Variants in SLC25A36 observed in about 807,000 individuals in gnomAD.
The protein encoded by SLC25A36 is solute carrier family 25 member 36.
A neutral mutation model predicts 35.3 loss-of-function variants in SLC25A36; 24 were observed. The ratio of observed to expected loss-of-function variants is 0.68; its 90% CI spans 0.49 to 0.96. The LOEUF is 0.96. Ranked by LOEUF, SLC25A36 falls within the 40% of genes least tolerant of loss-of-function variation. The probability of loss-of-function intolerance (pLI) is 0.00; values close to 1 mark genes in which losing one functional copy is unlikely to be tolerated. For missense variants in SLC25A36, 294 were observed against 381.1 expected, an observed-to-expected ratio of 0.77 and a Z score of 1.90; for synonymous variants, 141 against 132.2, an observed-to-expected ratio of 1.07 and a Z score of -0.46.
At chr3:140,961,507 G>A (rs1363677216) in intron 3 of SLC25A36, among the ~76,000 whole-genome samples, 1 of 151,654 alleles carries the variant, frequency 6.6e-6, no homozygotes, top group African/African-American at 2.4e-5. Context: ...TATTTTTTTA[G>A]GATGGTCACC....
chr3:140,959,641 G>A (rs1020830651), intron 3 of SLC25A36, 101 bp downstream of exon 3: 37 of 511,706 alleles, frequency 7.2e-5, no homozygotes, highest in Admixed American at 8.7e-5. Context: ...ATTTATAAAT[G>A]TAGTATTCAA....
At chr3:140,954,303 T>G (rs1934419004) in intron 1 of SLC25A36, among the ~76,000 whole-genome samples, 2 of 152,264 alleles carry the variant, frequency 1.3e-5, no homozygotes, top group African/African-American at 4.8e-5. Flanking sequence ...GATGGACATT[T>G]GGGTTGTTCC....
At position 140,980,315 on chromosome 3, in the gene SLC25A36, C is replaced by A. The variant is rs1935152903; in HGVS notation, c.*3862C>A. ...ATCCACATAATGTTAGATCAAAATA[C>A]AAATGACAAAGATAAAATGCTATGT... On this transcript the variant is annotated 3_prime_UTR_variant, in exon 7 of 7. Coordinates refer to ENST00000324194, the MANE Select transcript of SLC25A36 (RefSeq NM_001104647.3). Among the ~76,000 whole-genome samples, 1 of 152,180 alleles carries A rather than the reference C, an allele frequency of 6.6e-6. No homozygotes were observed. Among genetic ancestry groups the A allele is most frequent in the South Asian group, 2.1e-4 (1 of 4,830 alleles).
Position 140,976,582 on chromosome 3 carries a change from TTTG to T in SLC25A36, c.*134_*136del. 2.8e-6 allele frequency: 2 copies of T among 703,094 alleles called. No homozygotes were observed. Among genetic ancestry groups the T allele is most frequent in the Non-Finnish European group, 4.3e-6 (2 of 464,432 alleles). The allele number at this position is 703,094 out of a possible 1,614,324, so 43.6% of individuals were successfully genotyped here. On this transcript the variant is annotated 3_prime_UTR_variant, in exon 7 of 7. Transcript: ENST00000324194. Reference sequence around the variant, plus strand: ...ACATGTAACTATTCTAAGTGGAAGTTTTGTTGTAGGAATTATAGTAATCACACC... The same window carrying T: ...ACATGTAACTATTCTAAGTGGAAGTTTTGTAGGAATTATAGTAATCACACC...
At chr3:140,975,097 CTTTTTTTTTTTTTTTTTTT>C (rs10662120) in intron 6 of SLC25A36, among the ~76,000 whole-genome samples, 9 of 55,192 alleles carry the variant, frequency 1.6e-4, no homozygotes, top group Admixed American at 8.3e-4. Context: ...AAGATACATT[CTTTTTTTTTTTTTTTTTTT>C]TTTTTTTTTT....
chr3:140,950,908 GTC>G (rs58082901), intron 1 of SLC25A36, among the ~76,000 whole-genome samples: 6,665 of 133,586 alleles, frequency 0.05, 194 homozygotes, highest in African/African-American at 0.11. Flanking sequence ...CTCTGTGTGT[GTC>G]TGTGTGTCTG....
intron 4 of SLC25A36, chr3:140,966,301 T>TTTTGTGTG: frequency 3.5e-6 from 1 of 289,850 alleles, no homozygotes; most frequent in Non-Finnish European, 6.9e-6. Context: ...TGGACAGATG[T>TTTTGTGTG]TTTGTGTGTT....
intron 4 of SLC25A36, chr3:140,966,639 A>C: frequency 3.1e-6 from 1 of 321,724 alleles, no homozygotes; most frequent in Admixed American, 4.1e-5. Flanking sequence ...ATCCCCTCTA[A>C]ATATTCCCTT....
chr3:140,952,886 C>T (rs1473571729), intron 1 of SLC25A36, among the ~76,000 whole-genome samples: 1 of 152,078 alleles, frequency 6.6e-6, no homozygotes, highest in Non-Finnish European at 1.5e-5. Context: ...AATACTCTTT[C>T]TTAGGTTTTA....
intron 1 of SLC25A36, among the ~76,000 whole-genome samples, chr3:140,951,131 T>C (rs1000954157): frequency 2.0e-5 from 3 of 152,202 alleles, no homozygotes; most frequent in African/African-American, 7.2e-5. Context: ...TCTTCCTCTT[T>C]ACTAAGTTGT....
At position 140,963,131 on chromosome 3, in the gene SLC25A36, A is replaced by G. The variant is rs1017924604; in HGVS notation, c.289A>G (p.Ile97Val). The G allele has an allele frequency of 7.0e-6, 11 of 1,571,556 alleles. No individual in the cohort carries two copies. The African/African-American group carries it at 8.3e-5, about 12-fold the overall frequency. ...NLVGVAPSRA[I>V]YFAAYSNCKE... is the part of the protein sequence containing the mutation. ...AAATCTAAATCTCTATTTTAGAGCA[A>G]TATACTTTGCTGCTTATTCAAACTG... The change falls in exon 4 of 7, where the codon ATA becomes GTA. Residue 97 changes from isoleucine to valine, a missense_variant. Transcript: ENST00000324194.
At chr3:140,959,254 A>C (rs1934568455) in intron 2 of SLC25A36, among the ~76,000 whole-genome samples, 1 of 151,952 alleles carries the variant, frequency 6.6e-6, no homozygotes, top group Admixed American at 6.6e-5. Context: ...GACCTCAAGG[A>C]ATCTGCCTGC....
intron 1 of SLC25A36, chr3:140,942,364 C>T (rs1034298751): frequency 1.8e-5 from 6 of 338,744 alleles, no homozygotes; most frequent in Admixed American, 4.9e-5. Flanking sequence ...GCATGAAACC[C>T]GGGCCGGGAG....
At chr3:140,961,819 G>A (rs1934635285) in intron 3 of SLC25A36, among the ~76,000 whole-genome samples, 1 of 123,320 alleles carries the variant, frequency 8.1e-6, no homozygotes, top group Non-Finnish European at 1.6e-5. Context: ...TAGGGCCACT[G>A]CACTCCGGCC....
intron 1 of SLC25A36, among the ~76,000 whole-genome samples, chr3:140,948,433 C>T (rs576951552): frequency 1.6e-4 from 24 of 151,630 alleles, no homozygotes; most frequent in African/African-American, 4.4e-4. Flanking sequence ...CTGCCCACCT[C>T]GGCCTCCCAA....
At position 140,959,543 on chromosome 3, in the gene SLC25A36, A is replaced by T. The variant is rs1027790661; in HGVS notation, c.284+3A>T. ...TTAGTGGGGGTAGCCCCTTCCAGGT[A>T]AAAAAAAAAAAAAATTGTTTAAAGC... On this transcript the variant is annotated splice_donor_region_variant and intron_variant, in intron 3 of 6. Transcript: ENST00000324194. 1.6e-5 allele frequency: 4 copies of T among 248,206 alleles called. No homozygotes were observed. The highest frequency in any genetic ancestry group is 2.5e-5 in the African/African-American group (1 of 40,698). 15.4% of individuals were successfully genotyped at this position (248,206 alleles called of 1,614,324 possible). A position where few individuals can be genotyped will look rare whatever the true frequency, so the allele number is the denominator to read the frequency against.
In SLC25A36 at chr3:140,978,742, A is replaced by G. The variant is rs542410885; in HGVS notation, c.*2289A>G. On this transcript the variant is annotated 3_prime_UTR_variant, in exon 7 of 7. Transcript: ENST00000324194. Reference sequence around the variant, plus strand: ...TTTGTGCAACAACTAGAAAGGAGCAATGAAGTTTATTTCAGTTGTATTTTT... The same window carrying G: ...TTTGTGCAACAACTAGAAAGGAGCAGTGAAGTTTATTTCAGTTGTATTTTT... 1.1e-4 allele frequency: 16 copies of G among 152,284 alleles called. No individual in the cohort carries two copies. Among genetic ancestry groups the G allele is most frequent in the African/African-American group, 3.4e-4 (14 of 41,564 alleles). 9.4% of individuals were successfully genotyped at this position (152,284 alleles called of 1,614,324 possible). A position where few individuals can be genotyped will look rare whatever the true frequency, so the allele number is the denominator to read the frequency against.
At chr3:140,960,415 G>C (rs1002919926) in intron 3 of SLC25A36, among the ~76,000 whole-genome samples, 1 of 152,134 alleles carries the variant, frequency 6.6e-6, no homozygotes. Context: ...CTGTCCTGCT[G>C]TGCGCTCCAC....
At chr3:140,974,864 C>G (rs1383166548) in intron 6 of SLC25A36, among the ~76,000 whole-genome samples, 2 of 152,040 alleles carry the variant, frequency 1.3e-5, no homozygotes, top group Non-Finnish European at 2.9e-5. Flanking sequence ...ACTCTTTAAC[C>G]AGGTTGGACT....
Sources: gnomAD v4.1 joint callset for allele counts (sites outside exome capture counted in the v4.1 genomes callset) on GRCh38, gnomAD v4.1.1 for gene constraint, MANE v1.5 for transcripts, NCBI Gene and HGNC (gene_info 2026-07-23, HGNC 2026-07-21) for gene names.